RBFOX1: variants seen among roughly 807,000 people sequenced by gnomAD.
RBFOX1 encodes the protein RNA binding protein fox-1 homolog 1.
A neutral mutation model predicts 57.7 loss-of-function variants in RBFOX1; 8 were observed. The observed-to-expected ratio is 0.14, with a 90% CI of 0.08 to 0.25. The LOEUF (loss-of-function observed/expected upper bound fraction) is 0.25, where lower values mean the gene tolerates loss of function less well. RBFOX1 is among the 10% of genes least tolerant of loss of function. The pLI is 1.00. For synonymous variants in RBFOX1, 326 were observed against 222.4 expected (o/e 1.47, Z -4.15); for missense variants, 611 against 548.5 (o/e 1.11, Z -1.14).
chr16:6,695,117 G>A (rs1201980725), intron 3 of RBFOX1, among the ~76,000 whole-genome samples: 1 of 151,936 alleles, frequency 6.6e-6, no homozygotes, highest in Non-Finnish European at 1.5e-5. Context: ...ATTACTGTGT[G>A]TAAAAAGGAA....
At chr16:5,582,104 C>T (rs1339811525) in intron 2 of RBFOX1, among the ~76,000 whole-genome samples, 1 of 152,256 alleles carries the variant, frequency 6.6e-6, no homozygotes, top group African/African-American at 2.4e-5. Flanking sequence ...ACAGCTCCCT[C>T]TTCTGCAGGC....
At chr16:6,458,363 C>T (rs2094828200) in intron 2 of RBFOX1, among the ~76,000 whole-genome samples, 2 of 152,298 alleles carry the variant, frequency 1.3e-5, no homozygotes, top group African/African-American at 2.4e-5. Flanking sequence ...CACTTAATGC[C>T]TCTAAGGCTT....
chr16:6,849,106 C>T (rs1256257428), intron 3 of RBFOX1, among the ~76,000 whole-genome samples: 5 of 152,190 alleles, frequency 3.3e-5, no homozygotes, highest in Admixed American at 6.5e-5. Context: ...CTCCACATTT[C>T]TCCTTTGTGA....
At chr16:7,414,839 A>C (rs2098463450) in intron 4 of RBFOX1, among the ~76,000 whole-genome samples, 1 of 152,142 alleles carries the variant, frequency 6.6e-6, no homozygotes, top group Non-Finnish European at 1.5e-5. Flanking sequence ...GCTGGTCTTG[A>C]ACTCCTGACC....
intron 1 of RBFOX1, among the ~76,000 whole-genome samples, chr16:6,131,014 C>G (rs1823656): frequency 0.36 from 53,966 of 151,980 alleles, 10,405 homozygotes; most frequent in Non-Finnish European, 0.44. Context: ...GTGGATGAAT[C>G]TCATATACAT....
chr16:5,946,778 C>T lies in RBFOX1; in HGVS notation c.351+79443C>T, dbSNP rs780569307. Among the ~76,000 whole-genome samples, 2 of 152,132 alleles carry T rather than the reference C, an allele frequency of 1.3e-5. No homozygotes were observed. The highest frequency in any genetic ancestry group is 6.5e-5 in the Admixed American group (1 of 15,268). ...CAACCTGTGGAATCTGATTCTAACTCCAGGTGGATCATGTCAGAATTGAAC... is the reference window on the plus strand; with the variant it reads ...CAACCTGTGGAATCTGATTCTAACTTCAGGTGGATCATGTCAGAATTGAAC... On this transcript the variant is annotated intron_variant, in intron 4 of 19. Transcript: ENST00000641259. This position sits in a 1 kb window ranked among gnomAD's most constrained non-coding sequence, Gnocchi z 4.6.
chr16:6,201,992 A>G lies in RBFOX1; in HGVS notation c.-126-115003A>G, dbSNP rs574549961. Among the ~76,000 whole-genome samples the G allele has an allele frequency of 3.9e-5, 6 of 152,260 alleles. No homozygotes were observed. The East Asian group carries it at 9.7e-4, about 25-fold the overall frequency. On this transcript the variant is annotated intron_variant, in intron 1 of 15. Transcript: ENST00000550418. ...GTCCCCATTGTGAACATGTCAGAGT[A>G]TTGGAAGAGACCACAGTTCCCCTCT...
intron 3 of RBFOX1, among the ~76,000 whole-genome samples, chr16:6,963,395 C>T (rs955262051): frequency 1.3e-5 from 2 of 151,934 alleles, no homozygotes; most frequent in African/African-American, 2.4e-5. Context: ...CACACACACA[C>T]TTGAAATAAA....
chr16:6,487,178 G>GTGTC (rs2095503617), intron 2 of RBFOX1, among the ~76,000 whole-genome samples: 1 of 151,022 alleles, frequency 6.6e-6, no homozygotes, highest in East Asian at 1.9e-4. Flanking sequence ...GTGTGTGTGT[G>GTGTC]TGTACCCAAA....
chr16:5,898,705 G>T (rs2058227578), intron 4 of RBFOX1, among the ~76,000 whole-genome samples: 1 of 151,804 alleles, frequency 6.6e-6, no homozygotes. Flanking sequence ...TTGACTTCAC[G>T]GGCAAGTTTA....
chr16:5,893,772 C>T (rs966184480), intron 4 of RBFOX1, among the ~76,000 whole-genome samples: 4 of 151,504 alleles, frequency 2.6e-5, no homozygotes, highest in Middle Eastern at 3.4e-3. Flanking sequence ...CGCCACTGCA[C>T]TCCAGCCTGG....
chr16:6,590,073 A>C (rs1054955907), intron 2 of RBFOX1, among the ~76,000 whole-genome samples: 1 of 152,250 alleles, frequency 6.6e-6, no homozygotes, highest in Non-Finnish European at 1.5e-5. Context: ...AAGATAACTG[A>C]AACAGTGACA....
intron 3 of RBFOX1, among the ~76,000 whole-genome samples, chr16:5,621,014 G>C (rs959714581): frequency 6.6e-6 from 1 of 152,058 alleles, no homozygotes; most frequent in African/African-American, 2.4e-5. Context: ...CTAATTTTTT[G>C]TATTATCAGT....
At chr16:5,922,539 C>T (rs1597804633) in intron 4 of RBFOX1, among the ~76,000 whole-genome samples, 1 of 152,126 alleles carries the variant, frequency 6.6e-6, no homozygotes, top group Non-Finnish European at 1.5e-5. Context: ...TCTGAATGGT[C>T]ACCATCTCCC....
At chr16:5,397,213 G>A (rs1469085287) in intron 1 of RBFOX1, among the ~76,000 whole-genome samples, 1 of 152,226 alleles carries the variant, frequency 6.6e-6, no homozygotes, top group Non-Finnish European at 1.5e-5. Flanking sequence ...GAAACGTGGA[G>A]GAGGCTGAAA....
intron 4 of RBFOX1, among the ~76,000 whole-genome samples, chr16:7,371,351 A>C (rs1029167693): frequency 6.6e-6 from 1 of 152,204 alleles, no homozygotes; most frequent in Admixed American, 6.5e-5. Context: ...GATGCTAGTA[A>C]CGGAAGACGG....
chr16:6,843,957 G>A (rs577772678), intron 3 of RBFOX1, among the ~76,000 whole-genome samples: 2 of 152,136 alleles, frequency 1.3e-5, no homozygotes, highest in African/African-American at 4.8e-5. Flanking sequence ...CACAAGGCTT[G>A]CTTGGATCGT....
At chr16:7,283,603 C>T (rs2095591857) in intron 4 of RBFOX1, among the ~76,000 whole-genome samples, 1 of 152,158 alleles carries the variant, frequency 6.6e-6, no homozygotes, top group Non-Finnish European at 1.5e-5. Flanking sequence ...TCCCTAAACA[C>T]CACTCAGCCT....
intron 3 of RBFOX1, among the ~76,000 whole-genome samples, chr16:6,724,207 C>CTTTTT (rs766088068): frequency 7.1e-6 from 1 of 141,542 alleles, no homozygotes; most frequent in African/African-American, 2.7e-5. Context: ...AGGCATCTTC[C>CTTTTT]ATTTTTTTTT....
Sources: allele counts gnomAD v4.1 joint callset (sites outside exome capture counted in the v4.1 genomes callset), GRCh38; gene constraint gnomAD v4.1.1; non-coding constraint Gnocchi (gnomAD v3.1); transcripts MANE v1.5; gene names NCBI Gene and HGNC (gene_info 2026-07-23, HGNC 2026-07-21).